The following DLG2 variants were observed in gnomAD, a reference collection of about 807,000 sequenced individuals.
DLG2 encodes the protein discs large MAGUK scaffold protein 2, also known as disks large homolog 2.
DLG2 carries 45 observed loss-of-function variants against 132.5 expected under a neutral mutation model. The observed-to-expected ratio is 0.34, with a 90% CI of 0.27 to 0.44. DLG2 has a LOEUF of 0.44. Among genes scored for constraint, DLG2 ranks in the 20% least tolerant of loss-of-function variants. DLG2 has a pLI of 1.00. For missense variants in DLG2, 1,045 were observed against 1,196.9 expected (o/e 0.87, Z 1.87); for synonymous variants, 424 against 419.6 (o/e 1.01, Z -0.13).
chr11:84,553,545 A>G (rs1396677243), intron 6 of DLG2, among the ~76,000 whole-genome samples: 2 of 152,214 alleles, frequency 1.3e-5, no homozygotes, highest in Non-Finnish European at 2.9e-5. Flanking sequence ...AGTTTCTTGG[A>G]GAATAAGATA....
intron 15 of DLG2, among the ~76,000 whole-genome samples, chr11:83,915,414 A>G (rs1246967707): frequency 2.0e-5 from 3 of 152,186 alleles, no homozygotes; most frequent in African/African-American, 7.2e-5. Context: ...GGTAGCTATC[A>G]TCTTTATCAG....
chr11:83,614,723 A>G (rs896336492), intron 19 of DLG2, among the ~76,000 whole-genome samples: 3 of 152,172 alleles, frequency 2.0e-5, no homozygotes, highest in African/African-American at 7.2e-5. Context: ...CTGTCTCAAC[A>G]ACAACAACAA....
intron 18 of DLG2, among the ~76,000 whole-genome samples, chr11:83,763,288 T>A (rs1032215174): frequency 6.7e-6 from 1 of 150,326 alleles, no homozygotes; most frequent in Non-Finnish European, 1.5e-5. Context: ...GTAATAAGGA[T>A]AATACTCAAT....
chr11:84,767,535 G>A (rs1194540030), intron 6 of DLG2, among the ~76,000 whole-genome samples: 1 of 151,980 alleles, frequency 6.6e-6, no homozygotes, highest in Non-Finnish European at 1.5e-5. Flanking sequence ...GAGCCTTAAA[G>A]GTCCTGAGCA....
rs147509796 is a variant in DLG2 at position 84,622,925 on chromosome 11, A to G, written c.358-88194T>C. On this transcript the variant is annotated intron_variant, in intron 6 of 27. Transcript: ENST00000376104. Reference sequence around the variant, plus strand: ...TCTATGCTGGAGATTTGAGAGATAAACCAATCTCTGGAAATTTTATCATTG... The same window carrying G: ...TCTATGCTGGAGATTTGAGAGATAAGCCAATCTCTGGAAATTTTATCATTG... Among the ~76,000 whole-genome samples, 441 of 152,192 alleles carry G rather than the reference A, an allele frequency of 2.9e-3. 1 individual carries two copies. Among genetic ancestry groups the G allele is most frequent in the African/African-American group, 9.7e-3 (404 of 41,536 alleles).
At chr11:83,796,267 C>T (rs926699474) in intron 17 of DLG2, among the ~76,000 whole-genome samples, 5 of 152,190 alleles carry the variant, frequency 3.3e-5, no homozygotes, top group Admixed American at 2.0e-4. Context: ...TCAGGAAAAT[C>T]CATTCTGTTT....
intron 4 of DLG2, among the ~76,000 whole-genome samples, chr11:85,218,886 TA>T (rs1291380885): frequency 6.6e-6 from 1 of 152,110 alleles, no homozygotes; most frequent in Non-Finnish European, 1.5e-5. Flanking sequence ...TATGCAGCCA[TA>T]AAAAGAATGA....
intron 11 of DLG2, among the ~76,000 whole-genome samples, chr11:84,011,820 C>T (rs2094907658): frequency 6.6e-6 from 1 of 152,046 alleles, no homozygotes; most frequent in Non-Finnish European, 1.5e-5. Flanking sequence ...AACACTACCA[C>T]CCTTTAGTGC....
At chr11:84,751,661 G>A (rs1471700005) in intron 6 of DLG2, among the ~76,000 whole-genome samples, 1 of 152,146 alleles carries the variant, frequency 6.6e-6, no homozygotes, top group Non-Finnish European at 1.5e-5. Context: ...AGCACATAGA[G>A]AGGTAAAAGA....
intron 6 of DLG2, among the ~76,000 whole-genome samples, chr11:84,777,608 A>T (rs1466786105): frequency 6.6e-6 from 1 of 151,768 alleles, no homozygotes; most frequent in African/African-American, 2.4e-5. Flanking sequence ...CCTCACCAAC[A>T]TTTGTTATTT....
intron 6 of DLG2, among the ~76,000 whole-genome samples, chr11:84,745,569 A>C (rs2065254298): frequency 6.6e-6 from 1 of 152,224 alleles, no homozygotes; most frequent in Admixed American, 6.5e-5. Context: ...TATTTGCAGC[A>C]ATATGAGAAT....
At chr11:84,842,063 A>C (rs1193472691) in intron 6 of DLG2, among the ~76,000 whole-genome samples, 1 of 151,974 alleles carries the variant, frequency 6.6e-6, no homozygotes, top group African/African-American at 2.4e-5. Flanking sequence ...GGTTATATGT[A>C]TTTATACTGC....
At chr11:83,480,232 GATTTC>G in intron 22 of DLG2, 8 of 701,768 alleles carry the variant, frequency 1.1e-5, no homozygotes, top group Non-Finnish European at 1.9e-5. Flanking sequence ...CACATCCAGT[GATTTC>G]ATTTCAAGCC....
chr11:83,883,239 G>C (rs537954547), intron 15 of DLG2, among the ~76,000 whole-genome samples: 1 of 151,918 alleles, frequency 6.6e-6, no homozygotes, highest in Non-Finnish European at 1.5e-5. Context: ...AATTTTCAAC[G>C]TCTGGCCACA....
intron 11 of DLG2, among the ~76,000 whole-genome samples, chr11:84,004,789 G>A (rs1767587927): frequency 6.6e-6 from 1 of 151,530 alleles, no homozygotes; most frequent in African/African-American, 2.4e-5. Flanking sequence ...GGACATAAAT[G>A]GAAAGACATT....
intron 18 of DLG2, among the ~76,000 whole-genome samples, chr11:83,705,095 G>T (rs886649534): frequency 9.9e-5 from 15 of 152,114 alleles, no homozygotes; most frequent in Non-Finnish European, 1.8e-4. Context: ...GCATAGACAT[G>T]AACAGGAATG....
At chr11:83,884,453 G>C (rs1033880114) in intron 15 of DLG2, among the ~76,000 whole-genome samples, 1 of 152,176 alleles carries the variant, frequency 6.6e-6, no homozygotes, top group Non-Finnish European at 1.5e-5. Flanking sequence ...AACTGGAACT[G>C]GGTAGAGCCC....
chr11:85,087,635 G>A (rs888389250), intron 6 of DLG2, among the ~76,000 whole-genome samples: 1 of 151,282 alleles, frequency 6.6e-6, no homozygotes, highest in African/African-American at 2.4e-5. Context: ...TCAGGAGATC[G>A]AGACCATCCT....
At chr11:84,493,762 A>G (rs1164965924) in intron 7 of DLG2, among the ~76,000 whole-genome samples, 1 of 152,124 alleles carries the variant, frequency 6.6e-6, no homozygotes, top group Non-Finnish European at 1.5e-5. Context: ...GTCCCTGATA[A>G]TGTATACAAA....
Sources: allele counts gnomAD v4.1 joint callset (sites outside exome capture counted in the v4.1 genomes callset), GRCh38; gene constraint gnomAD v4.1.1; transcripts MANE v1.5; gene names NCBI Gene and HGNC (gene_info 2026-07-23, HGNC 2026-07-21).